Variants in ZFPM2 observed in about 807,000 individuals in gnomAD.
ZFPM2 encodes zinc finger protein ZFPM2.
In ZFPM2, 20 loss-of-function variants were observed where a neutral mutation model predicts 98.6. The observed-to-expected ratio is 0.20, with a 90% CI of 0.14 to 0.29. The LOEUF (loss-of-function observed/expected upper bound fraction) is 0.29. Among genes scored for constraint, ZFPM2 ranks in the 10% least tolerant of loss-of-function variants. The probability of loss-of-function intolerance (pLI) is 1.00; values close to 1 mark genes in which losing one functional copy is unlikely to be tolerated. For synonymous variants in ZFPM2, 518 were observed against 502.7 expected (o/e 1.03, Z -0.41); for missense variants, 1,310 against 1,388.6 (o/e 0.94, Z 0.90).
At chr8:105,696,622 C>T (rs1406050033) in intron 5 of ZFPM2, among the ~76,000 whole-genome samples, 1 of 152,114 alleles carries the variant, frequency 6.6e-6, no homozygotes, top group Non-Finnish European at 1.5e-5. Flanking sequence ...GCATAGCTGC[C>T]TCCCTTTTTT....
chr8:105,643,865 T>C (rs1228119564), intron 5 of ZFPM2, among the ~76,000 whole-genome samples: 2 of 152,184 alleles, frequency 1.3e-5, no homozygotes, highest in Non-Finnish European at 2.9e-5. Flanking sequence ...TTGGACTGAT[T>C]ACAAGGATTG....
chr8:105,795,560 AAG>A (rs1441723648), intron 6 of ZFPM2, among the ~76,000 whole-genome samples: 1 of 152,112 alleles, frequency 6.6e-6, no homozygotes, highest in East Asian at 1.9e-4. Context: ...ACAAACAAAA[AAG>A]AAGTGTATCC....
At chr8:105,733,015 C>A (rs1480156675) in intron 5 of ZFPM2, among the ~76,000 whole-genome samples, 1 of 151,830 alleles carries the variant, frequency 6.6e-6, no homozygotes, top group African/African-American at 2.4e-5. Flanking sequence ...TACACAAATT[C>A]TTTAGCAAAT....
At chr8:105,406,359 T>A (rs1208256912) in intron 1 of ZFPM2, among the ~76,000 whole-genome samples, 1 of 152,082 alleles carries the variant, frequency 6.6e-6, no homozygotes, top group Non-Finnish European at 1.5e-5. Context: ...AAACAAGCAA[T>A]GGGGAAAGGA....
intron 5 of ZFPM2, among the ~76,000 whole-genome samples, chr8:105,639,400 A>G (rs900382345): frequency 2.0e-5 from 3 of 152,110 alleles, no homozygotes; most frequent in African/African-American, 7.2e-5. Context: ...AAGTAGCCAC[A>G]TTCTCTAGGT....
intron 5 of ZFPM2, among the ~76,000 whole-genome samples, chr8:105,780,795 G>A (rs547774847): frequency 1.7e-4 from 26 of 152,260 alleles, no homozygotes; most frequent in African/African-American, 5.5e-4. Context: ...CAGGAGAATC[G>A]CTTGAACCTG....
At chr8:105,767,435 T>G (rs1487556043) in intron 5 of ZFPM2, among the ~76,000 whole-genome samples, 3 of 151,922 alleles carry the variant, frequency 2.0e-5, no homozygotes, top group Non-Finnish European at 4.4e-5. Context: ...CAATCTATAA[T>G]TACATTACAC....
intron 2 of ZFPM2, among the ~76,000 whole-genome samples, chr8:105,426,906 C>T: frequency 6.6e-6 from 1 of 152,108 alleles, no homozygotes; most frequent in Admixed American, 6.5e-5. Context: ...GCCATGAGCC[C>T]AGATCATGCC....
chr8:105,393,020 T>C (rs954530484), intron 1 of ZFPM2, among the ~76,000 whole-genome samples: 6 of 152,124 alleles, frequency 3.9e-5, no homozygotes, highest in African/African-American at 1.4e-4. Context: ...GGTTTCTAGT[T>C]CTTGTTCTAT....
rs1283089089 is a variant in ZFPM2 at position 105,404,044 on chromosome 8, A to T, written c.41-15100A>T. Among the ~76,000 whole-genome samples the T allele has an allele frequency of 2.1e-5, 3 of 143,648 alleles. No individual in the cohort carries two copies. The South Asian group carries it at 6.2e-4, about 30-fold the overall frequency. The allele number at this position is 143,648 out of a possible 152,430, so 94.2% of individuals were successfully genotyped here. On this transcript the variant is annotated intron_variant, in intron 1 of 7. Coordinates refer to ENST00000407775, the MANE Select transcript of ZFPM2 (RefSeq NM_012082.4). ...CAACAACAACAACAACAACAACAAC[A>T]GCAGCATAGATTTGGCCCTAGGCGC... is the stretch of plus-strand genomic sequence containing the variant.
intron 4 of ZFPM2, among the ~76,000 whole-genome samples, chr8:105,632,701 C>T (rs1472398442): frequency 2.0e-5 from 3 of 152,160 alleles, no homozygotes; most frequent in African/African-American, 4.8e-5. Context: ...TTAAAATATA[C>T]GTAGAATATA....
intron 4 of ZFPM2, among the ~76,000 whole-genome samples, chr8:105,633,602 C>A (rs1001375154): frequency 3.3e-5 from 5 of 152,124 alleles, no homozygotes; most frequent in Admixed American, 3.3e-4. Context: ...GTTCTCAGAG[C>A]AAGGGATGTC....
intron 5 of ZFPM2, among the ~76,000 whole-genome samples, chr8:105,705,291 A>G (rs1303124544): frequency 6.6e-6 from 1 of 152,170 alleles, no homozygotes. Flanking sequence ...TACAAATAAG[A>G]TTAAGTTTAA....
intron 2 of ZFPM2, among the ~76,000 whole-genome samples, chr8:105,423,247 C>T (rs550789016): frequency 6.6e-6 from 1 of 152,216 alleles, no homozygotes; most frequent in South Asian, 2.1e-4. Flanking sequence ...CTCAGAGATA[C>T]CCTTGTTATA....
At chr8:105,547,379 C>CA in intron 3 of ZFPM2, among the ~76,000 whole-genome samples, 1 of 151,546 alleles carries the variant, frequency 6.6e-6, no homozygotes, top group Admixed American at 6.6e-5. Context: ...CCTGTCTCTA[C>CA]AAAAAATATG....
At chr8:105,331,827 A>G (rs1554595131) in intron 1 of ZFPM2, among the ~76,000 whole-genome samples, 1 of 151,786 alleles carries the variant, frequency 6.6e-6, no homozygotes, top group Non-Finnish European at 1.5e-5. Context: ...AAAGGTAACA[A>G]TATAAAATAG....
At chr8:105,619,683 C>G (rs1816493331) in intron 4 of ZFPM2, among the ~76,000 whole-genome samples, 1 of 151,242 alleles carries the variant, frequency 6.6e-6, no homozygotes, top group African/African-American at 2.4e-5. Flanking sequence ...TCCCTCCCGC[C>G]TCCCCCCACC....
intron 3 of ZFPM2, among the ~76,000 whole-genome samples, chr8:105,464,948 CT>C (rs1812771308): frequency 7.4e-6 from 1 of 135,396 alleles, no homozygotes; most frequent in Admixed American, 7.3e-5. Flanking sequence ...TTTGAAAATG[CT>C]AAAAAAAAAA....
intron 1 of ZFPM2, among the ~76,000 whole-genome samples, chr8:105,343,278 T>C (rs1486973712): frequency 1.3e-5 from 2 of 152,132 alleles, no homozygotes; most frequent in African/African-American, 4.8e-5. Flanking sequence ...CATTCTGCAA[T>C]GTTCAACAAT....
Sources: gnomAD v4.1 joint callset for allele counts (sites outside exome capture counted in the v4.1 genomes callset) on GRCh38, gnomAD v4.1.1 for gene constraint, MANE v1.5 for transcripts, NCBI Gene and HGNC (gene_info 2026-07-23, HGNC 2026-07-21) for gene names.